Variants in ROBO2 observed in about 807,000 individuals in gnomAD.
ROBO2 encodes the protein roundabout homolog 2.
In ROBO2, 53 loss-of-function variants were observed where a neutral mutation model predicts 160.8. The ratio of observed to expected loss-of-function variants is 0.33; its 90% confidence interval spans 0.26 to 0.41. The LOEUF (loss-of-function observed/expected upper bound fraction) is 0.41. Among genes scored for constraint, ROBO2 ranks in the 10% least tolerant of loss-of-function variants. ROBO2 has a pLI of 1.00. For synonymous variants in ROBO2, 664 were observed against 611.7 expected (o/e 1.09, Z -1.26); for missense variants, 1,577 against 1,722.4 (o/e 0.92, Z 1.49).
chr3:76,898,069 C>G (rs915758067), intron 2 of ROBO2, among the ~76,000 whole-genome samples: 1 of 152,138 alleles, frequency 6.6e-6, no homozygotes, highest in Non-Finnish European at 1.5e-5. Flanking sequence ...GGTGCATTGT[C>G]TCTCATAAGG....
At chr3:76,067,056 A>G (rs2068277486) in intron 2 of ROBO2, among the ~76,000 whole-genome samples, 1 of 152,126 alleles carries the variant, frequency 6.6e-6, no homozygotes. Flanking sequence ...AGGGTTCCTG[A>G]GGTTGTATGG....
chr3:77,426,472 A>G (rs1187130778), intron 2 of ROBO2, among the ~76,000 whole-genome samples: 1 of 152,052 alleles, frequency 6.6e-6, no homozygotes, highest in Non-Finnish European at 1.5e-5. Context: ...AAGGTAACAG[A>G]TAAGGATTTG....
At chr3:76,675,262 T>C (rs1031771170) in intron 2 of ROBO2, among the ~76,000 whole-genome samples, 14 of 152,164 alleles carry the variant, frequency 9.2e-5, no homozygotes, top group African/African-American at 3.4e-4. Flanking sequence ...CCACTGGTTC[T>C]TGCAAGGACT....
Position 76,010,219 on chromosome 3 carries a change from T to A in ROBO2, c.109+72617T>A, listed in dbSNP as rs145703024. ...AACAGGAAGATAATGGAAGGGGATT[T>A]GAACTTTATAATTATGATAAGGACT... On this transcript the variant is annotated intron_variant, in intron 2 of 26. Coordinates refer to the ROBO2 transcript ENST00000487694. Among the ~76,000 whole-genome samples the A allele has an allele frequency of 4.0e-3, 611 of 152,294 alleles. 6 individuals are homozygous for A. The highest frequency in any genetic ancestry group is 6.4e-3 in the Non-Finnish European group (436 of 68,022).
intron 2 of ROBO2, among the ~76,000 whole-genome samples, chr3:77,353,942 A>G (rs893963713): frequency 6.6e-6 from 1 of 152,228 alleles, no homozygotes; most frequent in Non-Finnish European, 1.5e-5. Context: ...AATGAATTAC[A>G]TTAATTACCG....
At chr3:76,798,134 A>AAAG (rs2063845335) in intron 2 of ROBO2, among the ~76,000 whole-genome samples, 2 of 74,968 alleles carry the variant, frequency 2.7e-5, no homozygotes, top group African/African-American at 5.8e-5. Context: ...AGAAAGAAAG[A>AAAG]AGAAAGAGAA....
At chr3:76,828,283 T>A (rs1414468687) in intron 2 of ROBO2, among the ~76,000 whole-genome samples, 1 of 152,104 alleles carries the variant, frequency 6.6e-6, no homozygotes, top group East Asian at 1.9e-4. Context: ...TGGTAGGTGT[T>A]CAATAAATAA....
chr3:76,564,193 A>G (rs1335599085), intron 2 of ROBO2, among the ~76,000 whole-genome samples: 1 of 152,220 alleles, frequency 6.6e-6, no homozygotes, highest in Non-Finnish European at 1.5e-5. Flanking sequence ...GCGACACAGC[A>G]AGACTCCGTC....
chr3:76,234,374 T>A (rs1164235296), intron 2 of ROBO2, among the ~76,000 whole-genome samples: 1 of 152,206 alleles, frequency 6.6e-6, no homozygotes, highest in Non-Finnish European at 1.5e-5. Context: ...GAGGAATCTC[T>A]AAACTGCTTT....
chr3:77,615,344 T>C (rs1429559495), intron 21 of ROBO2, among the ~76,000 whole-genome samples: 1 of 152,150 alleles, frequency 6.6e-6, no homozygotes, highest in Non-Finnish European at 1.5e-5. Flanking sequence ...CACTGACACA[T>C]CATCATCACC....
chr3:76,764,263 A>G (rs537754342), intron 2 of ROBO2, among the ~76,000 whole-genome samples: 2 of 44,106 alleles, frequency 4.5e-5, no homozygotes, highest in East Asian at 8.2e-4. Flanking sequence ...AATTATGTCA[A>G]CACCTGATTT....
Position 76,520,687 on chromosome 3 carries a change from AT to A in ROBO2, c.110-577326del, listed in dbSNP as rs770350033. Among the ~76,000 whole-genome samples the A allele has an allele frequency of 2.6e-5, 4 of 152,286 alleles. No homozygotes were observed. In the East Asian group the frequency reaches 7.7e-4, roughly 29 times the overall value. On this transcript the variant is annotated intron_variant, in intron 2 of 26. Coordinates refer to the ROBO2 transcript ENST00000487694. Reference sequence around the variant, plus strand: ...ACCTTGGAGCCTCTAATTCTCATCAATCTCTGCTTTCTAAATGCAAAATTTG... The same window carrying A: ...ACCTTGGAGCCTCTAATTCTCATCAACTCTGCTTTCTAAATGCAAAATTTG...
intron 2 of ROBO2, among the ~76,000 whole-genome samples, chr3:77,116,973 T>C (rs2150229945): frequency 6.6e-6 from 1 of 152,196 alleles, no homozygotes; most frequent in East Asian, 1.9e-4. Context: ...CTCAGCTACC[T>C]GTGTGATCAC....
intron 2 of ROBO2, among the ~76,000 whole-genome samples, chr3:76,542,382 C>T (rs1042743797): frequency 6.6e-6 from 1 of 152,040 alleles, no homozygotes; most frequent in Non-Finnish European, 1.5e-5. Flanking sequence ...CAGTATTCCC[C>T]TAAGCTTTAA....
At chr3:77,406,971 G>A (rs1318973904) in intron 2 of ROBO2, among the ~76,000 whole-genome samples, 1 of 152,120 alleles carries the variant, frequency 6.6e-6, no homozygotes, top group African/African-American at 2.4e-5. Flanking sequence ...CAGGAGAAAT[G>A]TTTAACGTTT....
intron 2 of ROBO2, among the ~76,000 whole-genome samples, chr3:76,400,984 T>C (rs2077780663): frequency 6.6e-6 from 1 of 151,626 alleles, no homozygotes; most frequent in Admixed American, 6.6e-5. Context: ...AAAATATCTC[T>C]GGCTCTCTTG....
intron 8 of ROBO2, 148 bp from the exon 10 acceptor site, chr3:77,557,796 T>C: frequency 3.0e-6 from 2 of 669,514 alleles, no homozygotes; most frequent in Admixed American, 2.4e-5. Flanking sequence ...ATTTAGAATA[T>C]ACATGACCAA....
At chr3:76,785,216 T>G (rs2062896332) in intron 2 of ROBO2, among the ~76,000 whole-genome samples, 1 of 151,254 alleles carries the variant, frequency 6.6e-6, no homozygotes, top group Non-Finnish European at 1.5e-5. Context: ...GTATTTCCAT[T>G]ACTTTCATCT....
intron 1 of ROBO2, among the ~76,000 whole-genome samples, chr3:77,045,451 G>T (rs2064552144): frequency 6.6e-6 from 1 of 152,108 alleles, no homozygotes; most frequent in South Asian, 2.1e-4. Flanking sequence ...ACAGAACTTG[G>T]CTGTTGTATA....
Sources: allele counts gnomAD v4.1 joint callset (sites outside exome capture counted in the v4.1 genomes callset), GRCh38; gene constraint gnomAD v4.1.1; transcripts MANE v1.5; gene names NCBI Gene and HGNC (gene_info 2026-07-23, HGNC 2026-07-21).